The following TMEM41B variants were observed in gnomAD, a reference collection of about 807,000 sequenced individuals.
The protein encoded by TMEM41B is transmembrane protein 41B.
A neutral mutation model predicts 31.9 loss-of-function variants in TMEM41B; 18 were observed. The ratio of observed to expected loss-of-function variants is 0.56; its 90% CI spans 0.39 to 0.84. The LOEUF is 0.84. TMEM41B is among the 40% of genes least tolerant of loss of function. The probability of loss-of-function intolerance (pLI) is 0.00; values close to 1 mark genes in which losing one functional copy is unlikely to be tolerated. For missense variants in TMEM41B, 322 were observed against 348.0 expected (o/e 0.93, Z 0.59); for synonymous variants, 144 against 124.3 (o/e 1.16, Z -1.05).
At chr11:9,293,599 T>C (rs2133620895) in intron 3 of TMEM41B, among the ~76,000 whole-genome samples, 1 of 152,252 alleles carries the variant, frequency 6.6e-6, no homozygotes, top group South Asian at 2.1e-4. Context: ...TTTTTATTTT[T>C]TGGGGATGGA....
intron 3 of TMEM41B, among the ~76,000 whole-genome samples, chr11:9,292,662 C>A (rs371526930): frequency 6.6e-6 from 1 of 151,874 alleles, no homozygotes. Flanking sequence ...GAAATCCCAT[C>A]GCTACAAAAA....
At position 9,312,631 on chromosome 11, in the gene TMEM41B, C is replaced by T. The variant is rs551393449; in HGVS notation, c.121+1690G>A. Among the ~76,000 whole-genome samples the T allele has an allele frequency of 7.2e-5, 11 of 152,234 alleles. No individual in the cohort carries two copies. The South Asian group carries it at 2.1e-3, about 29-fold the overall frequency. Reference sequence around the variant, plus strand: ...ATCATAAGAATAATTGTAGGCCAGGCGTGGTGGCTCACGCCTGTAATCCCA... The same window carrying T: ...ATCATAAGAATAATTGTAGGCCAGGTGTGGTGGCTCACGCCTGTAATCCCA... On this transcript the variant is annotated intron_variant, in intron 1 of 6. Coordinates refer to ENST00000528080, the MANE Select transcript of TMEM41B (RefSeq NM_015012.4).
chr11:9,295,198 C>T, intron 3 of TMEM41B, 61 bp downstream of exon 3: 1 of 1,383,968 alleles, frequency 7.2e-7, no homozygotes, highest in Non-Finnish European at 9.6e-7. Flanking sequence ...AAATGAAGAG[C>T]AGACCTTTTA....
At chr11:9,297,104 A>G (rs1019797352) in intron 2 of TMEM41B, among the ~76,000 whole-genome samples, 6 of 151,926 alleles carry the variant, frequency 3.9e-5, no homozygotes, top group African/African-American at 1.4e-4. Context: ...TGTTTTTTTT[A>G]GATAGAGTCC....
chr11:9,304,485 T>C (rs1423588898), intron 1 of TMEM41B, among the ~76,000 whole-genome samples: 1 of 152,134 alleles, frequency 6.6e-6, no homozygotes, highest in Non-Finnish European at 1.5e-5. Context: ...ATTTATTTAC[T>C]TTTATGAGAC....
At chr11:9,309,636 T>C (rs935949378) in intron 1 of TMEM41B, among the ~76,000 whole-genome samples, 30 of 151,392 alleles carry the variant, frequency 2.0e-4, no homozygotes, top group African/African-American at 2.4e-5. Flanking sequence ...CAGAACAATA[T>C]TGTCAGCCAG....
chr11:9,284,069 CCCCT>C (rs1361239374), intron 6 of TMEM41B, among the ~76,000 whole-genome samples: 41 of 151,996 alleles, frequency 2.7e-4, no homozygotes, highest in Non-Finnish European at 4.4e-5. Context: ...CAGGCATGAG[CCCCT>C]GCACCTGGCC....
intron 2 of TMEM41B, among the ~76,000 whole-genome samples, 181 bp downstream of exon 2, chr11:9,299,403 A>G (rs935380576): frequency 1.3e-5 from 2 of 151,288 alleles, no homozygotes; most frequent in Admixed American, 1.3e-4. Context: ...AGATGTATGT[A>G]TTTCCACATG....
intron 1 of TMEM41B, among the ~76,000 whole-genome samples, chr11:9,312,043 G>A (rs1853573028): frequency 6.6e-6 from 1 of 152,110 alleles, no homozygotes; most frequent in African/African-American, 2.4e-5. Flanking sequence ...GAATTTACAG[G>A]AACATTCTGA....
At position 9,311,208 on chromosome 11, in the gene TMEM41B, C is replaced by G. The variant is rs943895350; in HGVS notation, c.121+3113G>C. On this transcript the variant is annotated intron_variant, in intron 1 of 6. Coordinates refer to ENST00000528080, the MANE Select transcript of TMEM41B (RefSeq NM_015012.4). ...GCACAAGGGCTACTTTCCCCCAATACAACATGGCATCTGAAGCTTGATAGG... is the reference window on the plus strand; with the variant it reads ...GCACAAGGGCTACTTTCCCCCAATAGAACATGGCATCTGAAGCTTGATAGG... 5.5e-6 allele frequency: 8 copies of G among 1,441,468 alleles called. No homozygotes were observed. In the African/African-American group the frequency reaches 9.8e-5, roughly 18 times the overall value. The allele number at this position is 1,441,468 out of a possible 1,614,324, so 89.3% of individuals were successfully genotyped here.
chr11:9,288,398 T>C, intron 4 of TMEM41B, 44 bp downstream of exon 4: 1 of 1,322,066 alleles, frequency 7.6e-7, no homozygotes, highest in Non-Finnish European at 1.1e-6. Context: ...TCCTCATCAT[T>C]CTATTGTTTT....
chr11:9,285,693 C>T (rs945737122), intron 6 of TMEM41B, among the ~76,000 whole-genome samples: 4 of 151,078 alleles, frequency 2.6e-5, no homozygotes, highest in South Asian at 2.1e-4. Context: ...ATAACATCCG[C>T]GATAAAAGCT....
intron 2 of TMEM41B, among the ~76,000 whole-genome samples, chr11:9,299,277 T>G (rs1447360862): frequency 1.4e-5 from 1 of 69,584 alleles, no homozygotes; most frequent in Non-Finnish European, 2.5e-5. Context: ...GGCAAGACTC[T>G]GTCTCAAAAA....
chr11:9,288,360 G>T, intron 4 of TMEM41B, 82 bp downstream of exon 4: 1 of 924,006 alleles, frequency 1.1e-6, no homozygotes, highest in Non-Finnish European at 1.6e-6. Context: ...TGCTTACATA[G>T]ACTAGTAGGG....
At chr11:9,308,770 T>G (rs1853461614) in intron 1 of TMEM41B, among the ~76,000 whole-genome samples, 1 of 152,112 alleles carries the variant, frequency 6.6e-6, no homozygotes, top group African/African-American at 2.4e-5. Flanking sequence ...CTACTGACAA[T>G]AATGATAGGT....
chr11:9,304,684 A>G (rs1224181900), intron 1 of TMEM41B, among the ~76,000 whole-genome samples: 4 of 150,068 alleles, frequency 2.7e-5, no homozygotes, highest in Non-Finnish European at 5.9e-5. Context: ...TTTGAGATGG[A>G]GTCTCACTCT....
intron 1 of TMEM41B, among the ~76,000 whole-genome samples, chr11:9,310,654 C>A (rs1254588610): frequency 9.4e-6 from 1 of 106,076 alleles, no homozygotes; most frequent in Non-Finnish European, 1.8e-5. Context: ...GGTTAAGAGC[C>A]CTTTTTTTTT....
chr11:9,294,180 C>CAAAAAAAAAAAA (rs538372314), intron 3 of TMEM41B, among the ~76,000 whole-genome samples: 1 of 73,452 alleles, frequency 1.4e-5, no homozygotes, highest in Non-Finnish European at 2.4e-5. Context: ...GAACCTGTCT[C>CAAAAAAAAAAAA]AAAAAAAAAA....
At chr11:9,309,224 CAA>C (rs1853474092) in intron 1 of TMEM41B, among the ~76,000 whole-genome samples, 1 of 148,050 alleles carries the variant, frequency 6.8e-6, no homozygotes, top group South Asian at 2.1e-4. Context: ...CCAGCCTGGG[CAA>C]AAAGAGTGAA....
Sources: allele counts gnomAD v4.1 joint callset (sites outside exome capture counted in the v4.1 genomes callset), GRCh38; gene constraint gnomAD v4.1.1; transcripts MANE v1.5; gene names NCBI Gene and HGNC (gene_info 2026-07-23, HGNC 2026-07-21).